The following SLC15A1 variants were observed in gnomAD, a reference collection of about 807,000 sequenced individuals.
The protein encoded by SLC15A1 is solute carrier family 15 member 1, also known as Caco-2 oligopeptide transporter.
In SLC15A1, 83 loss-of-function variants were observed where a neutral mutation model predicts 92.9. That is an observed-to-expected ratio of 0.89 (90% CI 0.75 to 1.07). The LOEUF (loss-of-function observed/expected upper bound fraction) is 1.07, where lower values mean the gene tolerates loss of function less well. Ranked by LOEUF, SLC15A1 falls within the 50% of genes least tolerant of loss-of-function variation. The pLI, the probability that SLC15A1 is intolerant of heterozygous loss-of-function variation, is 0.00. For synonymous variants in SLC15A1, 322 were observed against 318.2 expected (o/e 1.01, Z -0.13); for missense variants, 857 against 880.1 (o/e 0.97, Z 0.33).
intron 10 of SLC15A1, among the ~76,000 whole-genome samples, chr13:98,712,272 A>C (rs1390729977): frequency 6.6e-6 from 1 of 152,210 alleles, no homozygotes; most frequent in Non-Finnish European, 1.5e-5. Flanking sequence ...TTAATGCCAG[A>C]TTATACCAAA....
At chr13:98,749,134 A>G (rs1260429814) in intron 1 of SLC15A1, among the ~76,000 whole-genome samples, 2 of 152,224 alleles carry the variant, frequency 1.3e-5, no homozygotes, top group Admixed American at 6.5e-5. Context: ...CAGGGACACC[A>G]GCTGCCCTGG....
intron 1 of SLC15A1, among the ~76,000 whole-genome samples, chr13:98,739,533 G>T (rs2088425160): frequency 6.6e-6 from 1 of 152,150 alleles, no homozygotes; most frequent in Non-Finnish European, 1.5e-5. Flanking sequence ...GTTCTCATGA[G>T]ATCTGGTTGT....
At chr13:98,685,770 G>A (rs1340502467) in intron 22 of SLC15A1, among the ~76,000 whole-genome samples, 2 of 152,124 alleles carry the variant, frequency 1.3e-5, no homozygotes, top group African/African-American at 4.8e-5. Flanking sequence ...GGCAGATAGC[G>A]AGGTCAAGAG....
intron 1 of SLC15A1, among the ~76,000 whole-genome samples, chr13:98,728,995 AAAAAAAAAAAAC>A (rs2088325432): frequency 1.4e-5 from 2 of 146,836 alleles, no homozygotes; most frequent in African/African-American, 5.0e-5. Flanking sequence ...AAAAAAAAAA[AAAAAAAAAAAAC>A]AACAAGCCCC....
chr13:98,709,891 C>G lies in SLC15A1; in HGVS notation c.921G>C (p.Gln307His), dbSNP rs375350352. The change falls in exon 12 of 23, where the codon CAG becomes CAC. Residue 307 changes from glutamine (Q) to histidine (H), a missense_variant. Physicochemically the swap from Gln to His is conservative, Grantham distance 24. Coordinates refer to ENST00000376503, the MANE Select transcript of SLC15A1 (RefSeq NM_005073.4). ...CGATTTTCCCGGACATAGTTGTTGC[C>G]TGCAGTGTCCACCTGGAGCCCTTAA... The part of the protein sequence containing the change: ...FDQQGSRWTL[Q>H]ATTMSGKIGA... 37 of 1,614,046 alleles carry G rather than the reference C, an allele frequency of 2.3e-5. No individual in the cohort carries two copies. Among genetic ancestry groups the G allele is most frequent in the Non-Finnish European group, 2.8e-5 (33 of 1,180,036 alleles).
chr13:98,718,320 T>C (rs2088227727), intron 8 of SLC15A1, among the ~76,000 whole-genome samples: 1 of 56,840 alleles, frequency 1.8e-5, no homozygotes. Flanking sequence ...TTTTTTTTTT[T>C]TTTTTTTTTT....
chr13:98,743,191 G>C (rs865940632), intron 1 of SLC15A1, among the ~76,000 whole-genome samples: 6 of 152,184 alleles, frequency 3.9e-5, no homozygotes, highest in African/African-American at 1.4e-4. Flanking sequence ...ATAAGGTCAC[G>C]CTCCAAGGTA....
rs12100089 is a variant in SLC15A1, at chr13:98,745,138, G to A, written c.4+7457C>T. ...AGAGGTAAATCGCCTGTGTCTCCTA[G>A]ATCACTTTGGGGCCTGTTTTCTACG... On this transcript the variant is annotated intron_variant, in intron 1 of 22. Coordinates refer to ENST00000376503, the MANE Select transcript of SLC15A1 (RefSeq NM_005073.4). Among the ~76,000 whole-genome samples, 913 of 152,206 alleles carry A rather than the reference G, an allele frequency of 6.0e-3. 5 individuals are homozygous for A. Among genetic ancestry groups the A allele is most frequent in the African/African-American group, 0.021 (875 of 41,532 alleles).
intron 1 of SLC15A1, among the ~76,000 whole-genome samples, chr13:98,740,418 T>C (rs1308672146): frequency 1.3e-5 from 2 of 152,158 alleles, no homozygotes; most frequent in Admixed American, 1.3e-4. Context: ...GCCCTACTCC[T>C]AGGCCCGGCA....
At chr13:98,730,128 G>A (rs1407141198) in intron 1 of SLC15A1, among the ~76,000 whole-genome samples, 1 of 151,238 alleles carries the variant, frequency 6.6e-6, no homozygotes, top group Non-Finnish European at 1.5e-5. Context: ...CTTGGGAGGC[G>A]GAGGATGCAG....
At chr13:98,732,371 C>T (rs2088358033) in intron 1 of SLC15A1, among the ~76,000 whole-genome samples, 1 of 152,102 alleles carries the variant, frequency 6.6e-6, no homozygotes, top group South Asian at 2.1e-4. Flanking sequence ...TCTTGCTATT[C>T]TAGGCCCAGA....
At chr13:98,704,101 A>G (rs1284359778) in intron 17 of SLC15A1, among the ~76,000 whole-genome samples, 188 bp downstream of exon 17, 3 of 152,220 alleles carry the variant, frequency 2.0e-5, no homozygotes, top group Non-Finnish European at 4.4e-5. Context: ...AACTTTTACT[A>G]TCCACCAGTC....
intron 1 of SLC15A1, among the ~76,000 whole-genome samples, chr13:98,743,140 G>A (rs534121127): frequency 7.9e-5 from 12 of 152,236 alleles, no homozygotes; most frequent in East Asian, 5.8e-4. Context: ...CTGGTATGAC[G>A]TCATCATAGT....
chr13:98,741,579 T>C (rs1220822765), intron 1 of SLC15A1, among the ~76,000 whole-genome samples: 2 of 152,084 alleles, frequency 1.3e-5, no homozygotes, highest in South Asian at 2.1e-4. Context: ...CTACTAAATA[T>C]ACAAAATGTA....
intron 18 of SLC15A1, among the ~76,000 whole-genome samples, chr13:98,690,991 AG>A (rs1418794424): frequency 2.0e-5 from 3 of 151,850 alleles, no homozygotes; most frequent in African/African-American, 7.3e-5. Flanking sequence ...CATCCCTCTT[AG>A]CATATTGTCT....
At chr13:98,704,021 G>A (rs1176058133) in intron 17 of SLC15A1, among the ~76,000 whole-genome samples, 1 of 152,066 alleles carries the variant, frequency 6.6e-6, no homozygotes, top group East Asian at 1.9e-4. Context: ...GTACACACAC[G>A]CATGCACATC....
chr13:98,739,607 C>A (rs1403107500), intron 1 of SLC15A1, among the ~76,000 whole-genome samples: 1 of 152,160 alleles, frequency 6.6e-6, no homozygotes, highest in Non-Finnish European at 1.5e-5. Flanking sequence ...GACATGCCTG[C>A]TCCCCCTTCA....
chr13:98,708,416 T>TG (rs2088132710), intron 15 of SLC15A1, among the ~76,000 whole-genome samples: 1 of 152,234 alleles, frequency 6.6e-6, no homozygotes, highest in Non-Finnish European at 1.5e-5. Flanking sequence ...GGAGTTCAGA[T>TG]TGTGAAGGAA....
chr13:98,721,814 T>G lies in SLC15A1; in HGVS notation c.455A>C (p.Glu152Ala). 6.2e-7 allele frequency: 1 copy of G among 1,614,144 alleles called. No homozygotes were observed. Among genetic ancestry groups the G allele is most frequent in the Non-Finnish European group, 8.5e-7 (1 of 1,179,998 alleles). ...CVSAFGGDQF[E>A]EGQEKQRNRF... ...GGCCCCTACCCTTACCTGGCCCTCT[T>G]CAAACTGATCTCCACCAAACGCAGA... Residue 152 changes from glutamate to alanine, a missense_variant, in exon 6 of 23, where the codon GAA becomes GCA. Transcript: ENST00000376503.
Sources: gnomAD v4.1 joint callset for allele counts (sites outside exome capture counted in the v4.1 genomes callset) on GRCh38, gnomAD v4.1.1 for gene constraint, MANE v1.5 for transcripts, NCBI Gene and HGNC (gene_info 2026-07-23, HGNC 2026-07-21) for gene names.